Variants in ZNF730 observed in about 807,000 individuals in gnomAD.
ZNF730 encodes the protein zinc finger protein 730.
Under a neutral mutation model 12.6 loss-of-function variants are expected in ZNF730, and 12 were observed. That is an observed-to-expected ratio of 0.95 (90% CI 0.61 to 1.54). The LOEUF (loss-of-function observed/expected upper bound fraction) is 1.54, where lower values mean the gene tolerates loss of function less well. Among genes scored for constraint, ZNF730 ranks in the 40% most tolerant of loss-of-function variants. The pLI is 0.00. For synonymous variants in ZNF730, 194 were observed against 195.8 expected (o/e 0.99, Z 0.08); for missense variants, 643 against 583.5 (o/e 1.10, Z -1.05).
intron 1 of ZNF730, among the ~76,000 whole-genome samples, chr19:23,078,703 TCA>T (rs755094444): frequency 6.6e-6 from 1 of 152,164 alleles, no homozygotes; most frequent in Non-Finnish European, 1.5e-5. Flanking sequence ...CTTTCTTTTC[TCA>T]GTCTCTCGTC....
At chr19:23,134,293 T>A in intron 2 of ZNF730, 87 bp downstream of exon 2, 1 of 1,206,344 alleles carries the variant, frequency 8.3e-7, no homozygotes. Flanking sequence ...AGATCCCGGG[T>A]TTTTTTCTTT....
At chr19:23,116,198 A>G (rs1313042604), upstream of ZNF730, among the ~76,000 whole-genome samples, 1 of 151,396 alleles carries the variant, frequency 6.6e-6, no homozygotes, top group Non-Finnish European at 1.5e-5. Flanking sequence ...ATCTGAAGAC[A>G]TAGAGTTTTC....
At chr19:23,128,408 G>T in intron 1 of ZNF730, 1 of 424,730 alleles carries the variant, frequency 2.4e-6, no homozygotes, top group Non-Finnish European at 4.5e-6. Context: ...GCTGCTATGT[G>T]AGAGAATCCA....
At chr19:23,134,522 G>A (rs1970797167) in intron 2 of ZNF730, among the ~76,000 whole-genome samples, 1 of 143,200 alleles carries the variant, frequency 7.0e-6, no homozygotes. Context: ...GGGAGGTGAG[G>A]GGCGCCTCTG....
intron 1 of ZNF730, among the ~76,000 whole-genome samples, chr19:23,107,962 A>G (rs945714876): frequency 3.3e-5 from 5 of 152,120 alleles, no homozygotes; most frequent in African/African-American, 1.2e-4. Context: ...GTCCCCTCAC[A>G]GCAATGATTG....
intron 1 of ZNF730, 62 bp downstream of exon 1, chr19:23,117,238 C>T (rs950294769): frequency 1.9e-6 from 3 of 1,611,940 alleles, no homozygotes; most frequent in East Asian, 2.2e-5. Flanking sequence ...CGGTGGGAAG[C>T]GGCTGTGGCG....
chr19:23,117,162 G>C lies in ZNF730; in HGVS notation c.-12G>C. 6.2e-7 allele frequency: 1 copy of C among 1,613,914 alleles called. No individual in the cohort carries two copies. Among genetic ancestry groups the C allele is most frequent in the Non-Finnish European group, 8.5e-7 (1 of 1,179,832 alleles). ...CACAGCTAAGACGCCAGGGCCCCCT[G>C]GAAGCCTAGAAATGGTGAGAGTGCC... On this transcript the variant is annotated 5_prime_UTR_variant, in exon 1 of 4. Coordinates refer to ENST00000597761, the MANE Select transcript of ZNF730 (RefSeq NM_001277403.2).
At chr19:23,109,996 C>G (rs1478021048) in intron 1 of ZNF730, among the ~76,000 whole-genome samples, 2 of 151,060 alleles carry the variant, frequency 1.3e-5, no homozygotes, top group East Asian at 3.9e-4. Context: ...GACGGAGTTT[C>G]ACTTTTGTTG....
At chr19:23,077,386 T>C (rs1458128429) in intron 1 of ZNF730, among the ~76,000 whole-genome samples, 1 of 150,566 alleles carries the variant, frequency 6.6e-6, no homozygotes, top group African/African-American at 2.4e-5. Flanking sequence ...GTAGGTTTTT[T>C]AAAAATTTAG....
At chr19:23,145,238 C>T (rs1970984738) in intron 3 of ZNF730, 33 bp from the exon 4 acceptor site, 1 of 1,390,698 alleles carries the variant, frequency 7.2e-7, no homozygotes, top group Non-Finnish European at 9.5e-7. Flanking sequence ...CAGTCTAGTA[C>T]ATGCAGTAAT....
intron 1 of ZNF730, among the ~76,000 whole-genome samples, chr19:23,129,693 G>A (rs1420841422): frequency 6.6e-6 from 1 of 151,744 alleles, no homozygotes; most frequent in African/African-American, 2.4e-5. Flanking sequence ...AGTTGATGCT[G>A]AAATGAGTTA....
At chr19:23,129,486 G>A (rs536336936) in intron 1 of ZNF730, among the ~76,000 whole-genome samples, 1 of 151,354 alleles carries the variant, frequency 6.6e-6, no homozygotes, top group Admixed American at 6.6e-5. Context: ...TGCCCTGCTT[G>A]ATTTTGGACT....
chr19:23,105,246 A>G (rs1357572702), intron 1 of ZNF730, among the ~76,000 whole-genome samples: 1 of 151,046 alleles, frequency 6.6e-6, no homozygotes, highest in East Asian at 2.0e-4. Flanking sequence ...CCTCTTGGGT[A>G]GCTGGGATTA....
At chr19:23,119,928 T>C (rs892380278) in intron 1 of ZNF730, among the ~76,000 whole-genome samples, 1 of 152,084 alleles carries the variant, frequency 6.6e-6, no homozygotes, top group African/African-American at 2.4e-5. Flanking sequence ...ATAATACTTG[T>C]TTTTCTTTGT....
At chr19:23,142,515 C>G (rs957324359) in intron 3 of ZNF730, among the ~76,000 whole-genome samples, 2 of 151,734 alleles carry the variant, frequency 1.3e-5, no homozygotes, top group African/African-American at 2.4e-5. Context: ...AATCCCATCT[C>G]TACTAAAAAT....
At chr19:23,119,866 G>A (rs756291005) in intron 1 of ZNF730, among the ~76,000 whole-genome samples, 31 of 152,178 alleles carry the variant, frequency 2.0e-4, no homozygotes, top group Non-Finnish European at 4.1e-4. Context: ...TTTATATAAT[G>A]AGTTGGGGAG....
At chr19:23,118,972 GA>G (rs1436617478) in intron 1 of ZNF730, among the ~76,000 whole-genome samples, 1 of 152,112 alleles carries the variant, frequency 6.6e-6, no homozygotes, top group Non-Finnish European at 1.5e-5. Context: ...TTTATAAAAA[GA>G]AAAAGAATCA....
At chr19:23,127,667 C>T (rs534584765) in intron 1 of ZNF730, 101 of 1,215,100 alleles carry the variant, frequency 8.3e-5, no homozygotes, top group Non-Finnish European at 1.1e-4. Flanking sequence ...TACTTTATTC[C>T]GCTCACTAAG....
At chr19:23,105,027 AT>A (rs1970376410) in intron 1 of ZNF730, among the ~76,000 whole-genome samples, 1 of 151,958 alleles carries the variant, frequency 6.6e-6, no homozygotes, top group Non-Finnish European at 1.5e-5. Flanking sequence ...AGAGATAGTC[AT>A]TTTTGCTCAC....
Sources: gnomAD v4.1 joint callset for allele counts (sites outside exome capture counted in the v4.1 genomes callset) on GRCh38, gnomAD v4.1.1 for gene constraint, MANE v1.5 for transcripts, NCBI Gene and HGNC (gene_info 2026-07-23, HGNC 2026-07-21) for gene names.